GPHN: variants seen among roughly 807,000 people sequenced by gnomAD.
GPHN encodes gephyrin.
In GPHN, 17 loss-of-function variants were observed where a neutral mutation model predicts 95.5. The observed-to-expected ratio is 0.18, with a 90% CI of 0.12 to 0.27. The LOEUF is 0.27. GPHN is among the 10% of genes least tolerant of loss of function. The pLI, the probability that GPHN is intolerant of heterozygous loss-of-function variation, is 1.00. For missense variants in GPHN, 660 were observed against 978.1 expected (o/e 0.67, Z 4.34); for synonymous variants, 320 against 322.5 (o/e 0.99, Z 0.08).
intron 8 of GPHN, among the ~76,000 whole-genome samples, chr14:66,956,305 ATTTTC>A (rs1367353032): frequency 1.3e-5 from 2 of 152,034 alleles, no homozygotes; most frequent in Non-Finnish European, 2.9e-5. Flanking sequence ...GTCTCAAATT[ATTTTC>A]TTATTTCCTT....
intron 1 of GPHN, among the ~76,000 whole-genome samples, chr14:66,592,039 A>G (rs1222727776): frequency 6.6e-6 from 1 of 152,198 alleles, no homozygotes; most frequent in Non-Finnish European, 1.5e-5. Context: ...CAAACTTGAC[A>G]AAAGCAATGG....
intron 4 of GPHN, among the ~76,000 whole-genome samples, chr14:66,869,350 C>G (rs974925626): frequency 8.5e-5 from 13 of 152,160 alleles, no homozygotes; most frequent in Non-Finnish European, 1.8e-4. Context: ...TTCAGATTTT[C>G]TAATAAACAG....
chr14:67,287,751 A>C, the GPHN span, among the ~76,000 whole-genome samples: 1 of 152,358 alleles, frequency 6.6e-6, no homozygotes, highest in South Asian at 2.1e-4. Flanking sequence ...TTACAGTGTC[A>C]TCTATACGGT....
At chr14:67,513,400 A>C in the GPHN span, among the ~76,000 whole-genome samples, 1 of 152,186 alleles carries the variant, frequency 6.6e-6, no homozygotes. Context: ...CAGGGCCACA[A>C]ATCTATAGCT....
the GPHN span, among the ~76,000 whole-genome samples, chr14:67,667,208 T>C: frequency 2.6e-5 from 4 of 152,274 alleles, no homozygotes; most frequent in African/African-American, 9.6e-5. Flanking sequence ...TTGACCAAGG[T>C]GGGCAGCCTC....
At chr14:67,130,330 C>G (rs1293990034) in intron 17 of GPHN, among the ~76,000 whole-genome samples, 1 of 152,018 alleles carries the variant, frequency 6.6e-6, no homozygotes, top group Non-Finnish European at 1.5e-5. Context: ...TCATGAGTAC[C>G]CAGTGTTTAG....
the GPHN span, among the ~76,000 whole-genome samples, chr14:67,308,413 CAA>C: frequency 2.6e-5 from 4 of 151,648 alleles, no homozygotes; most frequent in Admixed American, 2.0e-4. Context: ...AAGCTAATCC[CAA>C]AGTTGTCTCC....
chr14:67,151,232 G>A lies in GPHN; in HGVS notation c.1836+7783G>A, dbSNP rs914694903. On this transcript the variant is annotated intron_variant, in intron 18 of 22. Transcript: ENST00000478722. Reference sequence around the variant, plus strand: ...TTCAGTTCTACTTACAACTTGAGCTGTAAGTCAAGAGTAAACACAGAACCA... The same window carrying A: ...TTCAGTTCTACTTACAACTTGAGCTATAAGTCAAGAGTAAACACAGAACCA... Among the ~76,000 whole-genome samples the A allele has an allele frequency of 2.0e-5, 3 of 152,324 alleles. No homozygotes were observed. In the South Asian group the frequency reaches 6.2e-4, roughly 32 times the overall value.
intron 17 of GPHN, among the ~76,000 whole-genome samples, chr14:67,139,679 A>C (rs1193472655): frequency 2.6e-5 from 4 of 152,158 alleles, no homozygotes; most frequent in African/African-American, 9.7e-5. Flanking sequence ...ATAGCATGCA[A>C]CATAAATGAA....
rs373187649 is a variant in GPHN, at chr14:66,625,578, C to G, written c.65-55529C>G. On this transcript the variant is annotated intron_variant, in intron 1 of 22. Coordinates refer to ENST00000478722, the MANE Select transcript of GPHN (RefSeq NM_020806.5). Reference sequence around the variant, plus strand: ...CTTTTCCCTACCTTTGTTTTCAAACCTTCTAATACAGTTTATGTTTCATTT... The same window carrying G: ...CTTTTCCCTACCTTTGTTTTCAAACGTTCTAATACAGTTTATGTTTCATTT... Among the ~76,000 whole-genome samples, 4 of 152,108 alleles carry G rather than the reference C, an allele frequency of 2.6e-5. No homozygotes were observed. The South Asian group carries it at 8.3e-4, about 32-fold the overall frequency.
the GPHN span, among the ~76,000 whole-genome samples, chr14:67,458,350 C>T: frequency 3.3e-4 from 50 of 152,256 alleles, no homozygotes; most frequent in African/African-American, 1.0e-3. Flanking sequence ...CCCCTGCCAA[C>T]TCTCTGGTTC....
chr14:66,737,130 A>G (rs762524199), intron 2 of GPHN, among the ~76,000 whole-genome samples: 2 of 152,146 alleles, frequency 1.3e-5, no homozygotes, highest in African/African-American at 2.4e-5. Flanking sequence ...TAATTCTAAT[A>G]TTTACAGTAT....
intron 2 of GPHN, among the ~76,000 whole-genome samples, chr14:66,719,325 A>C (rs959076125): frequency 1.9e-4 from 29 of 152,232 alleles, no homozygotes; most frequent in African/African-American, 6.0e-4. Context: ...TGATGCCTCT[A>C]TCCGTGTATT....
the GPHN span, among the ~76,000 whole-genome samples, chr14:67,427,112 T>C: frequency 6.6e-6 from 1 of 151,170 alleles, no homozygotes; most frequent in African/African-American, 2.4e-5. Context: ...GAGTGTATTG[T>C]GTCACGCGGG....
At chr14:66,912,656 A>G (rs917370722) in intron 5 of GPHN, among the ~76,000 whole-genome samples, 2 of 152,108 alleles carry the variant, frequency 1.3e-5, no homozygotes, top group African/African-American at 4.8e-5. Flanking sequence ...AATATTAGTA[A>G]TAGCAGAATC....
intron 6 of GPHN, among the ~76,000 whole-genome samples, chr14:66,921,381 C>T (rs954245932): frequency 6.6e-6 from 1 of 150,420 alleles, no homozygotes; most frequent in Non-Finnish European, 1.5e-5. Context: ...GTTTGTTGGC[C>T]GTTTGTATAT....
chr14:67,491,500 A>G, the GPHN span, among the ~76,000 whole-genome samples: 2 of 152,194 alleles, frequency 1.3e-5, no homozygotes, highest in Non-Finnish European at 2.9e-5. Flanking sequence ...GGTGTTATCA[A>G]AGGTGCTTAT....
At chr14:66,857,184 A>G (rs1283236502) in intron 4 of GPHN, among the ~76,000 whole-genome samples, 1 of 152,184 alleles carries the variant, frequency 6.6e-6, no homozygotes, top group Non-Finnish European at 1.5e-5. Flanking sequence ...GAAATATGAG[A>G]AAAGATATGA....
chr14:66,761,037 C>T, intron 2 of GPHN: 1 of 536,188 alleles, frequency 1.9e-6, no homozygotes, highest in Non-Finnish European at 3.6e-6. Context: ...GTAACCATTT[C>T]TTTTATGTAT....
Sources: gnomAD v4.1 joint callset for allele counts (sites outside exome capture counted in the v4.1 genomes callset) on GRCh38, gnomAD v4.1.1 for gene constraint, MANE v1.5 for transcripts, NCBI Gene and HGNC (gene_info 2026-07-23, HGNC 2026-07-21) for gene names.